Variants in THSD4 observed in about 807,000 individuals in gnomAD.
The protein encoded by THSD4 is thrombospondin type-1 domain-containing protein 4.
Under a neutral mutation model 119.0 loss-of-function variants are expected in THSD4, and 69 were observed. The observed-to-expected ratio is 0.58, with a 90% CI of 0.48 to 0.71. The LOEUF is 0.71. THSD4 is among the 30% of genes least tolerant of loss of function. The probability of loss-of-function intolerance (pLI) is 0.00; values close to 1 mark genes in which losing one functional copy is unlikely to be tolerated. For synonymous variants in THSD4, 524 were observed against 540.4 expected, an observed-to-expected ratio of 0.97 and a Z score of 0.42; for missense variants, 1,393 against 1,391.1, an observed-to-expected ratio of 1.00 and a Z score of -0.02.
chr15:71,555,584 C>T (rs1363193895), intron 7 of THSD4, among the ~76,000 whole-genome samples: 1 of 152,106 alleles, frequency 6.6e-6, no homozygotes, highest in Middle Eastern at 3.2e-3. Context: ...ATATTTTCTC[C>T]ACTTTATGAC....
intron 7 of THSD4, among the ~76,000 whole-genome samples, chr15:71,508,573 G>A (rs2048229414): frequency 6.6e-6 from 1 of 152,136 alleles, no homozygotes; most frequent in African/African-American, 2.4e-5. Context: ...GTGGGGTGGT[G>A]GGGTGTTGTG....
intron 7 of THSD4, among the ~76,000 whole-genome samples, chr15:71,636,188 G>A (rs1336503661): frequency 6.6e-6 from 1 of 152,218 alleles, no homozygotes; most frequent in Non-Finnish European, 1.5e-5. Context: ...TTGGGAGGCC[G>A]AGGCGGGTGG....
intron 12 of THSD4, among the ~76,000 whole-genome samples, chr15:71,745,994 G>C (rs1478618828): frequency 6.6e-6 from 1 of 152,172 alleles, no homozygotes; most frequent in Non-Finnish European, 1.5e-5. Flanking sequence ...AGAACAAGGG[G>C]AAAGGGCCCT....
Position 71,681,169 on chromosome 15 carries a change from C to T in THSD4, c.1357+20435C>T, listed in dbSNP as rs544260149. Among the ~76,000 whole-genome samples, 35 of 151,338 alleles carry T rather than the reference C, an allele frequency of 2.3e-4. No individual in the cohort carries two copies. In the South Asian group the frequency reaches 5.9e-3, roughly 26 times the overall value. ...ACCTCAAGTGATCCACCTGCCTTGG[C>T]CTCCCAAAGTGCTGGGATTACAGGC... On this transcript the variant is annotated intron_variant, in intron 8 of 17. Transcript: ENST00000261862.
chr15:71,656,053 A>G (rs912671236), intron 7 of THSD4, among the ~76,000 whole-genome samples: 3 of 152,216 alleles, frequency 2.0e-5, no homozygotes, highest in Admixed American at 6.5e-5. Flanking sequence ...CTGATAAATG[A>G]CATCAGCTAG....
chr15:71,130,019 C>G (rs1467825183), intron 1 of THSD4, among the ~76,000 whole-genome samples: 1 of 152,082 alleles, frequency 6.6e-6, no homozygotes, highest in African/African-American at 2.4e-5. Context: ...GACTCAAGGG[C>G]GGAGCTGTTC....
At chr15:71,149,206 G>A (rs1329605156) in intron 2 of THSD4, among the ~76,000 whole-genome samples, 1 of 151,662 alleles carries the variant, frequency 6.6e-6, no homozygotes, top group East Asian at 1.9e-4. Flanking sequence ...TCAGAAGAAG[G>A]CAGAGGGCTG....
chr15:71,702,231 A>G (rs771515604), intron 8 of THSD4, among the ~76,000 whole-genome samples: 1 of 152,156 alleles, frequency 6.6e-6, no homozygotes, highest in Non-Finnish European at 1.5e-5. Flanking sequence ...GAATGTTGTA[A>G]CGGGACCAGG....
chr15:71,622,161 A>G lies in THSD4; in HGVS notation c.1153-38369A>G, dbSNP rs79771764. Reference sequence around the variant, plus strand: ...GATTTCTGGGTTTCCCTAATTTACAATAGAAATCTCGATTTATCACATGTG... The same window carrying G: ...GATTTCTGGGTTTCCCTAATTTACAGTAGAAATCTCGATTTATCACATGTG... On this transcript the variant is annotated intron_variant, in intron 7 of 17. Transcript: ENST00000261862. Among the ~76,000 whole-genome samples, 28 of 152,314 alleles carry G rather than the reference A, an allele frequency of 1.8e-4. No homozygotes were observed. The East Asian group carries it at 5.4e-3, about 29-fold the overall frequency.
chr15:71,431,217 TATC>T (rs1194399276), intron 7 of THSD4, among the ~76,000 whole-genome samples: 2 of 152,166 alleles, frequency 1.3e-5, no homozygotes, highest in Non-Finnish European at 2.9e-5. Flanking sequence ...AGCCATAAAA[TATC>T]ATAATCCTTA....
chr15:71,365,835 A>G (rs572528846), intron 6 of THSD4, among the ~76,000 whole-genome samples: 25 of 152,010 alleles, frequency 1.6e-4, no homozygotes, highest in African/African-American at 5.8e-4. Flanking sequence ...TTTTTTGATC[A>G]CTCTCAAGTC....
chr15:71,608,470 C>T (rs1465297014), intron 7 of THSD4, among the ~76,000 whole-genome samples: 1 of 152,156 alleles, frequency 6.6e-6, no homozygotes, highest in Non-Finnish European at 1.5e-5. Context: ...ATCTCTTACA[C>T]ACATGATATG....
rs991650805 is a variant in THSD4, at chr15:71,518,889, A to C, written c.1152+107066A>C. 4.6e-5 allele frequency among the ~76,000 whole-genome samples: 7 copies of C among 152,334 alleles called. 1 individual carries two copies. In the South Asian group the frequency reaches 1.5e-3, roughly 32 times the overall value. ...TCAGGGATTCCACAATGAACAATAAAGGCAACACTCCTGATCTTATGGAGC... is the reference window on the plus strand; with the variant it reads ...TCAGGGATTCCACAATGAACAATAACGGCAACACTCCTGATCTTATGGAGC... On this transcript the variant is annotated intron_variant, in intron 7 of 17. Transcript: ENST00000261862.
chr15:71,449,282 G>C (rs1340123806), intron 7 of THSD4, among the ~76,000 whole-genome samples: 4 of 152,156 alleles, frequency 2.6e-5, no homozygotes, highest in African/African-American at 7.2e-5. Flanking sequence ...CTATTATTCA[G>C]TACTTCTGGT....
intron 7 of THSD4, among the ~76,000 whole-genome samples, chr15:71,625,927 T>C (rs1043506125): frequency 6.6e-6 from 1 of 152,246 alleles, no homozygotes; most frequent in African/African-American, 2.4e-5. Context: ...TGGAGGACTC[T>C]GCAGGATTAG....
chr15:71,405,615 T>G (rs2046595074), intron 6 of THSD4, among the ~76,000 whole-genome samples: 1 of 152,196 alleles, frequency 6.6e-6, no homozygotes, highest in Non-Finnish European at 1.5e-5. Context: ...AATCAGGAAA[T>G]ATGAATCCTC....
At chr15:71,761,440 T>C (rs1347559690) in intron 15 of THSD4, among the ~76,000 whole-genome samples, 1 of 152,186 alleles carries the variant, frequency 6.6e-6, no homozygotes, top group African/African-American at 2.4e-5. Flanking sequence ...AATGTTAATT[T>C]TATAGAAAAT....
chr15:71,563,398 G>A (rs984527915), intron 7 of THSD4, among the ~76,000 whole-genome samples: 2 of 152,092 alleles, frequency 1.3e-5, no homozygotes, highest in African/African-American at 4.8e-5. Flanking sequence ...CTATCCAAAG[G>A]CAATTAAAAT....
chr15:71,281,611 G>C (rs1367616279), intron 6 of THSD4, among the ~76,000 whole-genome samples: 1 of 152,206 alleles, frequency 6.6e-6, no homozygotes. Context: ...ATTTACCCTA[G>C]AGAAGTTCTT....
Sources: allele counts gnomAD v4.1 joint callset (sites outside exome capture counted in the v4.1 genomes callset), GRCh38; gene constraint gnomAD v4.1.1; transcripts MANE v1.5; gene names NCBI Gene and HGNC (gene_info 2026-07-23, HGNC 2026-07-21).